Variants in PITPNM2 observed in about 807,000 individuals in gnomAD.
PITPNM2 encodes membrane-associated phosphatidylinositol transfer protein 2.
Under a neutral mutation model 132.2 loss-of-function variants are expected in PITPNM2, and 35 were observed. The ratio of observed to expected loss-of-function variants is 0.26; its 90% CI spans 0.20 to 0.35. The LOEUF (loss-of-function observed/expected upper bound fraction) is 0.35, where lower values mean the gene tolerates loss of function less well. Ranked by LOEUF, PITPNM2 falls within the 10% of genes least tolerant of loss-of-function variation. PITPNM2 has a pLI of 1.00. For synonymous variants in PITPNM2, 738 were observed against 799.2 expected, an observed-to-expected ratio of 0.92 and a Z score of 1.29; for missense variants, 1,332 against 1,912.0, an observed-to-expected ratio of 0.70 and a Z score of 5.66.
chr12:123,018,530 C>A (rs2039537210), intron 3 of PITPNM2, among the ~76,000 whole-genome samples: 2 of 151,446 alleles, frequency 1.3e-5, no homozygotes, highest in Non-Finnish European at 2.9e-5. Context: ...AAACTCCTGA[C>A]CCCAAGTGAT....
At chr12:123,126,950 C>T (rs781667204) in intron 1 of PITPNM2, among the ~76,000 whole-genome samples, 1 of 152,224 alleles carries the variant, frequency 6.6e-6, no homozygotes, top group Admixed American at 6.5e-5. Flanking sequence ...AACAACCAGG[C>T]TCTGTTCACT....
intron 2 of PITPNM2, chr12:123,092,182 G>A (rs1202135650): frequency 6.6e-6 from 1 of 152,116 alleles, no homozygotes; most frequent in Non-Finnish European, 1.5e-5. Flanking sequence ...GTCCAGCCTT[G>A]GGCCCAAGAA....
At chr12:123,137,261 C>A (rs1194802528) in intron 1 of PITPNM2, among the ~76,000 whole-genome samples, 1 of 152,148 alleles carries the variant, frequency 6.6e-6, no homozygotes, top group Admixed American at 6.5e-5. Flanking sequence ...TGAAGGCCAC[C>A]AAGAGCCAGG....
intron 1 of PITPNM2, among the ~76,000 whole-genome samples, chr12:123,137,961 T>TA (rs1438869284): frequency 6.6e-6 from 1 of 151,942 alleles, no homozygotes; most frequent in Non-Finnish European, 1.5e-5. Context: ...AGTGGTCACT[T>TA]ACCTTGGAAA....
At chr12:122,997,198 A>G in intron 11 of PITPNM2, 127 bp downstream of exon 11, 1 of 1,409,420 alleles carries the variant, frequency 7.1e-7, no homozygotes, top group East Asian at 2.3e-5. Flanking sequence ...CTCCAGGTAG[A>G]AGGGGCTGGC....
rs546567381 is a variant in PITPNM2 at position 122,991,735 on chromosome 12, G to A, written c.2404+764C>T. 12 of 1,295,678 alleles carry A rather than the reference G, an allele frequency of 9.3e-6. No homozygotes were observed. The East Asian group carries it at 1.7e-4, about 18-fold the overall frequency. The allele number at this position is 1,295,678 out of a possible 1,614,324, so 80.3% of individuals were successfully genotyped here. ...CAACCAACGAAGCAGACGTCACCAC[G>A]AGCAGGGGAGGGTACACACACTCGG... On this transcript the variant is annotated intron_variant, in intron 16 of 25. Transcript: ENST00000320201.
chr12:123,057,986 G>A (rs1038192251), intron 2 of PITPNM2, among the ~76,000 whole-genome samples: 1 of 152,180 alleles, frequency 6.6e-6, no homozygotes, highest in Non-Finnish European at 1.5e-5. Context: ...CCAAGTCCCA[G>A]GGACCCCTCC....
In PITPNM2 at chr12:123,008,434, G is replaced by T. The variant is rs1404242252; in HGVS notation, c.643+1416C>A. On this transcript the variant is annotated intron_variant, in intron 6 of 25. Coordinates refer to ENST00000320201, the MANE Select transcript of PITPNM2 (RefSeq NM_020845.3). The surrounding 1 kb of genome is among the most constrained non-coding windows in gnomAD (Gnocchi z 4.1). ...CGAGAAGGGCGGTAGGGGACGCCCT[G>T]CCCAGGATAGGGGAGCCCCTCCCAG... Among the ~76,000 whole-genome samples, 3 of 152,206 alleles carry T rather than the reference G, an allele frequency of 2.0e-5. No individual in the cohort carries two copies. Among genetic ancestry groups the T allele is most frequent in the African/African-American group, 7.2e-5 (3 of 41,452 alleles).
chr12:123,012,702 A>G lies in PITPNM2; in HGVS notation c.326T>C (p.Ile109Thr). Reference protein sequence around the residue: ...FTCPFVEKFSIDIETFYKTDA... With the variant: ...FTCPFVEKFSTDIETFYKTDA... ...AGTTTTATAAAAGGTTTCAATGTCG[A>G]TGGAGAATTTCTCCACGAAAGGACA... is the stretch of plus-strand genomic sequence containing the variant. Residue 109 changes from isoleucine (I) to threonine (T), a missense_variant, in exon 5 of 26, where the codon ATC becomes ACC. Coordinates refer to ENST00000320201, the MANE Select transcript of PITPNM2 (RefSeq NM_020845.3). 1 of 1,614,138 alleles carries G rather than the reference A, an allele frequency of 6.2e-7. No homozygotes were observed. Among genetic ancestry groups the G allele is most frequent in the Non-Finnish European group, 8.5e-7 (1 of 1,179,994 alleles).
chr12:122,991,421 G>A (rs1390086580), intron 16 of PITPNM2, among the ~76,000 whole-genome samples: 4 of 152,248 alleles, frequency 2.6e-5, no homozygotes, highest in Non-Finnish European at 5.9e-5. Flanking sequence ...AGCTTCCCCA[G>A]GTGAGGGGTG....
chr12:123,128,642 A>G (rs1296229191), intron 1 of PITPNM2, among the ~76,000 whole-genome samples: 4 of 150,830 alleles, frequency 2.7e-5, no homozygotes, highest in African/African-American at 9.8e-5. Context: ...AATCCCAGCT[A>G]CTCGGGAGAC....
chr12:123,085,229 G>T (rs73413207), intron 2 of PITPNM2, among the ~76,000 whole-genome samples: 1 of 152,172 alleles, frequency 6.6e-6, no homozygotes, highest in East Asian at 1.9e-4. Flanking sequence ...GTGAGCTAGC[G>T]CCATCTGCGT....
rs1006887746 is a variant in PITPNM2 at position 123,000,987 on chromosome 12, G to C, written c.1153+67C>G. The C allele has an allele frequency of 1.9e-6, 3 of 1,550,890 alleles. No homozygotes were observed. In the African/African-American group the frequency reaches 4.1e-5, roughly 21 times the overall value. ...CCCAGCACTGTGCAGAAGCTGGTCA[G>C]AAAGGAGGGGGCTGAAGCCCTGCAA... On this transcript the variant is annotated intron_variant, in intron 9 of 25. Transcript: ENST00000320201. The surrounding 1 kb of genome is among the most constrained non-coding windows in gnomAD (Gnocchi z 5.4).
Position 123,008,831 on chromosome 12 carries a change from A to G in PITPNM2, c.643+1019T>C, listed in dbSNP as rs1301809254. On this transcript the variant is annotated intron_variant, in intron 6 of 25. Transcript: ENST00000320201. The surrounding 1 kb of genome is among the most constrained non-coding windows in gnomAD (Gnocchi z 4.1). The stretch of plus-strand genomic sequence containing the variant: ...ACGTCTTCGCTTCTCCAAGTGGAAG[A>G]CCGCGTCCTTGGACCCCAATCCTTT... Among the ~76,000 whole-genome samples the G allele has an allele frequency of 6.6e-6, 1 of 152,202 alleles. No individual in the cohort carries two copies. Among genetic ancestry groups the G allele is most frequent in the East Asian group, 1.9e-4 (1 of 5,198 alleles).
In PITPNM2 at chr12:123,005,464, C is replaced by T. The variant is rs1370264086; in HGVS notation, c.728G>A (p.Arg243Gln). 1.9e-6 allele frequency: 3 copies of T among 1,613,982 alleles called. No homozygotes were observed. The highest frequency in any genetic ancestry group is 2.5e-6 in the Non-Finnish European group (3 of 1,180,036). ...EWYGLSMENI[R>Q]ELEKEAQLML... is the part of the protein sequence containing the mutation. Reference sequence around the variant, plus strand: ...GAGCTGTGCCTCCTTCTCCAGCTCCCGGATGTTCTCCATGCTCAGCCCATA... The same window carrying T: ...GAGCTGTGCCTCCTTCTCCAGCTCCTGGATGTTCTCCATGCTCAGCCCATA... The change falls in exon 7 of 26, where the codon CGG (arginine) becomes CAG (glutamine). Residue 243 changes from arginine (R) to glutamine (Q), a missense_variant. Coordinates refer to ENST00000320201, the MANE Select transcript of PITPNM2 (RefSeq NM_020845.3). This position sits in a 1 kb window ranked among gnomAD's most constrained non-coding sequence, Gnocchi z 6.2.
intron 2 of PITPNM2, among the ~76,000 whole-genome samples, chr12:123,080,841 T>C (rs2041939086): frequency 1.3e-5 from 2 of 152,184 alleles, no homozygotes; most frequent in African/African-American, 4.8e-5. Context: ...GCTCTAGAGA[T>C]GATGCTGGCG....
At chr12:123,132,602 C>G (rs1271806245) in intron 1 of PITPNM2, among the ~76,000 whole-genome samples, 1 of 151,792 alleles carries the variant, frequency 6.6e-6, no homozygotes, top group African/African-American at 2.4e-5. Flanking sequence ...TGTACAACCA[C>G]CACCACTATC....
chr12:123,109,613 C>T (rs1298856339), intron 2 of PITPNM2, among the ~76,000 whole-genome samples: 1 of 152,246 alleles, frequency 6.6e-6, no homozygotes, highest in Admixed American at 6.5e-5. Flanking sequence ...GCAGCCCAGC[C>T]TCTGCTCTCT....
At chr12:123,070,445 C>G (rs754836650) in intron 2 of PITPNM2, among the ~76,000 whole-genome samples, 1 of 152,204 alleles carries the variant, frequency 6.6e-6, no homozygotes. Flanking sequence ...CTCAGGGCCT[C>G]ATGGCAGGCA....
Sources: gnomAD v4.1 joint callset for allele counts (sites outside exome capture counted in the v4.1 genomes callset) on GRCh38, gnomAD v4.1.1 for gene constraint, Gnocchi (gnomAD v3.1) non-coding constraint, MANE v1.5 for transcripts, NCBI Gene and HGNC (gene_info 2026-07-23, HGNC 2026-07-21) for gene names.